Variants in GATAD1 observed in about 807,000 individuals in gnomAD.
The protein encoded by GATAD1 is GATA zinc finger domain-containing protein 1.
In GATAD1, 12 loss-of-function variants were observed where a neutral mutation model predicts 26.5. The ratio of observed to expected loss-of-function variants is 0.45; its 90% CI spans 0.29 to 0.73. The LOEUF (loss-of-function observed/expected upper bound fraction) is 0.73. Ranked by LOEUF, GATAD1 falls within the 30% of genes least tolerant of loss-of-function variation. The pLI, the probability that GATAD1 is intolerant of heterozygous loss-of-function variation, is 0.10. For synonymous variants in GATAD1, 129 were observed against 133.1 expected (o/e 0.97, Z 0.21); for missense variants, 266 against 342.1 (o/e 0.78, Z 1.75).
chr7:92,452,499 G>A (rs944163686), intron 3 of GATAD1, among the ~76,000 whole-genome samples: 30 of 152,322 alleles, frequency 2.0e-4, no homozygotes, highest in Admixed American at 2.0e-3. Context: ...GACCACCCAA[G>A]ACCCAGAATG....
At chr7:92,450,893 T>G (rs1192406913) in intron 3 of GATAD1, 133 bp downstream of exon 3, 1 of 577,988 alleles carries the variant, frequency 1.7e-6, no homozygotes, top group African/African-American at 1.9e-5. Flanking sequence ...TGTTCCCTTC[T>G]TAGCTGTTTT....
the GATAD1 span, among the ~76,000 whole-genome samples, chr7:92,466,576 T>G: frequency 1.3e-5 from 2 of 152,348 alleles, no homozygotes; most frequent in Non-Finnish European, 2.9e-5. Flanking sequence ...ATAAGCTTTA[T>G]TATTGAATAA....
At chr7:92,494,887 C>A in the GATAD1 span, among the ~76,000 whole-genome samples, 1 of 151,698 alleles carries the variant, frequency 6.6e-6, no homozygotes, top group African/African-American at 2.4e-5. Flanking sequence ...TATGAAATTA[C>A]CCTTGTATTC....
At chr7:92,475,123 G>A in the GATAD1 span, 1 of 152,106 alleles carries the variant, frequency 6.6e-6, no homozygotes, top group East Asian at 1.9e-4. Context: ...CACTCCATTT[G>A]CCTTTTCTAC....
At position 92,447,588 on chromosome 7, in the gene GATAD1, G is replaced by A. The variant is rs1010667809; in HGVS notation, c.-142G>A. On this transcript the variant is annotated 5_prime_UTR_variant, in exon 1 of 5. Transcript: ENST00000287957. ...CTCCACGGGGCAGCGCCAGCGGCCT[G>A]GTCCTTTCACCGGCAGCTCCGTGCC... is the stretch of plus-strand genomic sequence containing the variant. The A allele has an allele frequency of 3.5e-6, 4 of 1,142,958 alleles. No individual in the cohort carries two copies. The highest frequency in any genetic ancestry group is 4.5e-6 in the Non-Finnish European group (4 of 884,834). 70.8% of individuals were successfully genotyped at this position (1,142,958 alleles called of 1,614,324 possible).
At chr7:92,494,245 A>G in the GATAD1 span, 6 of 1,326,818 alleles carry the variant, frequency 4.5e-6, 1 homozygote, top group African/African-American at 7.2e-5. Context: ...TCACAAGGAA[A>G]GAGTGTAGCA....
At chr7:92,463,335 A>G (rs1789988911), downstream of GATAD1, among the ~76,000 whole-genome samples, 1 of 152,108 alleles carries the variant, frequency 6.6e-6, no homozygotes, top group Admixed American at 6.6e-5. Context: ...GTACTTAATG[A>G]CACTAAATTG....
the GATAD1 span, chr7:92,494,554 A>C: frequency 5.6e-6 from 9 of 1,613,914 alleles, no homozygotes; most frequent in South Asian, 8.8e-5. Context: ...TAACTCCTGT[A>C]TTATCATGAC....
the GATAD1 span, among the ~76,000 whole-genome samples, chr7:92,481,482 C>T: frequency 2.6e-5 from 4 of 152,136 alleles, no homozygotes; most frequent in East Asian, 1.9e-4. Flanking sequence ...ATTAGGGCAG[C>T]GGAAGCTACC....
At chr7:92,455,250 A>G (rs1280306377) in intron 4 of GATAD1, among the ~76,000 whole-genome samples, 1 of 152,208 alleles carries the variant, frequency 6.6e-6, no homozygotes, top group Non-Finnish European at 1.5e-5. Flanking sequence ...AGTTAGAGCA[A>G]TGTGCATCTA....
At chr7:92,469,809 G>T in the GATAD1 span, 2 of 768,078 alleles carry the variant, frequency 2.6e-6, no homozygotes, top group African/African-American at 1.7e-5. Flanking sequence ...TGAAGTTCAG[G>T]GGGAGGCATA....
At chr7:92,467,200 T>A in the GATAD1 span, among the ~76,000 whole-genome samples, 1 of 151,900 alleles carries the variant, frequency 6.6e-6, no homozygotes, top group Non-Finnish European at 1.5e-5. Context: ...ATGCCTGTAA[T>A]CCTAGCTACC....
the GATAD1 span, chr7:92,475,239 T>A: frequency 9.2e-5 from 14 of 152,086 alleles, no homozygotes; most frequent in African/African-American, 3.1e-4. Context: ...TGTCTGAGGG[T>A]CAAATTGGTC....
intron 1 of GATAD1, 123 bp downstream of exon 1, chr7:92,448,101 G>T: frequency 3.1e-6 from 2 of 638,570 alleles, no homozygotes; most frequent in Non-Finnish European, 2.2e-6. Context: ...TGGCTGGAAC[G>T]CCCCTCCCCA....
chr7:92,487,418 C>A, the GATAD1 span: 2 of 1,117,830 alleles, frequency 1.8e-6, no homozygotes, highest in South Asian at 2.7e-5. Flanking sequence ...GAAAAGCCAT[C>A]AAAAAACTTA....
At chr7:92,494,289 T>G in the GATAD1 span, 1 of 1,604,798 alleles carries the variant, frequency 6.2e-7, no homozygotes, top group Non-Finnish European at 8.5e-7. Context: ...TATGAAATTG[T>G]CACCTGATCA....
At chr7:92,469,250 C>T in the GATAD1 span, 1 of 764,210 alleles carries the variant, frequency 1.3e-6, no homozygotes, top group Non-Finnish European at 2.4e-6. Context: ...TGAAGGACTA[C>T]TGCTGCTAGG....
At chr7:92,494,149 A>G in the GATAD1 span, 1 of 705,696 alleles carries the variant, frequency 1.4e-6, no homozygotes. Context: ...GAATCTTTTT[A>G]TGCTTTGAGC....
chr7:92,469,159 ACAT>A, the GATAD1 span: 1 of 707,352 alleles, frequency 1.4e-6, no homozygotes, highest in African/African-American at 1.7e-5. Context: ...GGATTGATTA[ACAT>A]AATAACAGCA....
Sources: allele counts gnomAD v4.1 joint callset (sites outside exome capture counted in the v4.1 genomes callset), GRCh38; gene constraint gnomAD v4.1.1; transcripts MANE v1.5; gene names NCBI Gene and HGNC (gene_info 2026-07-23, HGNC 2026-07-21).